F13A1: variants seen among roughly 807,000 people sequenced by gnomAD.
The protein encoded by F13A1 is coagulation factor XIII A chain, also known as FSF, A subunit.
In F13A1, 47 loss-of-function variants were observed where a neutral mutation model predicts 80.1. The ratio of observed to expected loss-of-function variants is 0.59; its 90% confidence interval spans 0.46 to 0.75. F13A1 has a LOEUF of 0.75. Among genes scored for constraint, F13A1 ranks in the 30% least tolerant of loss-of-function variants. The probability of loss-of-function intolerance (pLI) is 0.00; values close to 1 mark genes in which losing one functional copy is unlikely to be tolerated. For synonymous variants in F13A1, 349 were observed against 344.9 expected, an observed-to-expected ratio of 1.01 and a Z score of -0.13; for missense variants, 817 against 930.4, an observed-to-expected ratio of 0.88 and a Z score of 1.59.
intron 3 of F13A1, among the ~76,000 whole-genome samples, chr6:6,283,761 C>A (rs940030853): frequency 6.6e-6 from 1 of 151,988 alleles, no homozygotes; most frequent in African/African-American, 2.4e-5. Context: ...AATCTTGATT[C>A]TTCAAAGTTA....
chr6:6,178,747 G>A (rs1162693575), intron 11 of F13A1, among the ~76,000 whole-genome samples: 1 of 152,154 alleles, frequency 6.6e-6, no homozygotes, highest in Non-Finnish European at 1.5e-5. Flanking sequence ...TAGGAAAAGA[G>A]GGTCAGGCAG....
chr6:6,223,477 G>GA (rs1757228788), intron 7 of F13A1, among the ~76,000 whole-genome samples: 1 of 152,106 alleles, frequency 6.6e-6, no homozygotes, highest in Non-Finnish European at 1.5e-5. Flanking sequence ...CGAGGGATGG[G>GA]ATGACCTCCA....
Position 6,145,396 on chromosome 6 carries a change from C to T in F13A1, c.*223G>A. 1 of 598,852 alleles carries T rather than the reference C, an allele frequency of 1.7e-6. No individual in the cohort carries two copies. Among genetic ancestry groups the T allele is most frequent in the Non-Finnish European group, 3.0e-6 (1 of 333,946 alleles). 37.1% of individuals were successfully genotyped at this position (598,852 alleles called of 1,614,324 possible). ...GCTTAATTAAAGCTAATGCTTAGCACTCTTTGGAAGGTGGAGAGATTAAAA... is the reference window on the plus strand; with the variant it reads ...GCTTAATTAAAGCTAATGCTTAGCATTCTTTGGAAGGTGGAGAGATTAAAA... On this transcript the variant is annotated 3_prime_UTR_variant, in exon 15 of 15. Coordinates refer to ENST00000264870, the MANE Select transcript of F13A1 (RefSeq NM_000129.4).
intron 3 of F13A1, among the ~76,000 whole-genome samples, chr6:6,288,907 T>C (rs1419098949): frequency 6.6e-6 from 1 of 152,222 alleles, no homozygotes; most frequent in East Asian, 1.9e-4. Context: ...ATTAGAGGTG[T>C]TGAGCATTCT....
In F13A1 at chr6:6,318,682, C is replaced by T; in HGVS notation, c.-18G>A. On this transcript the variant is annotated splice_region_variant and 5_prime_UTR_variant, in exon 2 of 15. Transcript: ENST00000264870. ...TCTGACATTTTTGACTTTACAAGGT[C>T]CTTCAGAAAAAAAAAAAAAAGAAGA... 1 of 1,523,244 alleles carries T rather than the reference C, an allele frequency of 6.6e-7. No individual in the cohort carries two copies. The highest frequency in any genetic ancestry group is 8.7e-7 in the Non-Finnish European group (1 of 1,145,078). The allele number at this position is 1,523,244 out of a possible 1,614,324, so 94.4% of individuals were successfully genotyped here. A position where few individuals can be genotyped will look rare whatever the true frequency, so the allele number is the denominator to read the frequency against.
intron 10 of F13A1, among the ~76,000 whole-genome samples, chr6:6,184,256 TAGGA>T (rs1380234420): frequency 6.6e-6 from 1 of 152,244 alleles, no homozygotes; most frequent in Non-Finnish European, 1.5e-5. Flanking sequence ...GTTTCATGGC[TAGGA>T]GCTGCTGGAG....
intron 1 of F13A1, 121 bp from the exon 2 acceptor site, chr6:6,318,803 A>AT: frequency 9.3e-7 from 1 of 1,078,604 alleles, no homozygotes; most frequent in Non-Finnish European, 1.4e-6. Flanking sequence ...TGAGCAACAC[A>AT]TTTTGCCGTT....
At chr6:6,303,176 A>G (rs7755951) in intron 3 of F13A1, among the ~76,000 whole-genome samples, 9,617 of 152,226 alleles carry the variant, frequency 0.063, 796 homozygotes, top group African/African-American at 0.19. Flanking sequence ...TTTTCATAGT[A>G]TGTTCTGATA....
chr6:6,300,816 G>A (rs117389523), intron 3 of F13A1, among the ~76,000 whole-genome samples: 9 of 123,094 alleles, frequency 7.3e-5, no homozygotes, highest in African/African-American at 2.5e-4. Context: ...ATTTATTCTC[G>A]TCTGTTTTTT....
chr6:6,288,284 C>A (rs1407498873), intron 3 of F13A1, among the ~76,000 whole-genome samples: 1 of 152,216 alleles, frequency 6.6e-6, no homozygotes, highest in Non-Finnish European at 1.5e-5. Flanking sequence ...TTCAGTCTAA[C>A]TGAGACTTTG....
At chr6:6,257,650 T>C (rs1757720503) in intron 4 of F13A1, among the ~76,000 whole-genome samples, 1 of 152,180 alleles carries the variant, frequency 6.6e-6, no homozygotes, top group East Asian at 1.9e-4. Context: ...CATTCATCCA[T>C]CAATTCACAG....
chr6:6,307,547 T>TA (rs1441941476), intron 2 of F13A1, among the ~76,000 whole-genome samples: 9 of 151,994 alleles, frequency 5.9e-5, no homozygotes, highest in African/African-American at 1.9e-4. Flanking sequence ...ACAGGGGCTT[T>TA]AAAGTTTTTT....
intron 3 of F13A1, among the ~76,000 whole-genome samples, chr6:6,296,587 C>T (rs961658951): frequency 6.6e-6 from 1 of 150,480 alleles, no homozygotes; most frequent in Non-Finnish European, 1.5e-5. Context: ...GATTTTTGTA[C>T]ATTGATTTTG....
In F13A1 at chr6:6,320,635, C is replaced by T. The variant is rs1758762754; in HGVS notation, c.-67G>A. The T allele has an allele frequency of 4.3e-6, 2 of 470,278 alleles. No individual in the cohort carries two copies. The highest frequency in any genetic ancestry group is 1.6e-5 in the South Asian group (1 of 64,376). 29.1% of individuals were successfully genotyped at this position (470,278 alleles called of 1,614,324 possible). ...TGCCCTCGCGTGGGCTTGCTCTGTG[C>T]GCCTCGGGGACTTCCTCAAACGGAC... On this transcript the variant is annotated 5_prime_UTR_variant, in exon 1 of 15. Coordinates refer to ENST00000264870, the MANE Select transcript of F13A1 (RefSeq NM_000129.4).
At chr6:6,309,855 G>A (rs1190540851) in intron 2 of F13A1, among the ~76,000 whole-genome samples, 1 of 152,096 alleles carries the variant, frequency 6.6e-6, no homozygotes, top group East Asian at 1.9e-4. Flanking sequence ...GGTACTCCTG[G>A]ATTTGCCTTC....
intron 3 of F13A1, among the ~76,000 whole-genome samples, chr6:6,271,602 C>A (rs1305092961): frequency 6.6e-6 from 1 of 152,196 alleles, no homozygotes; most frequent in Non-Finnish European, 1.5e-5. Context: ...AGAAAGGAAT[C>A]CCGTTTTGTT....
chr6:6,167,304 C>T (rs141911243), intron 13 of F13A1, among the ~76,000 whole-genome samples, 154 bp downstream of exon 13: 18 of 147,322 alleles, frequency 1.2e-4, no homozygotes, highest in Admixed American at 3.5e-4. Flanking sequence ...TTTCAAAGAA[C>T]AAGAGGATCC....
chr6:6,248,314 T>C lies in F13A1; in HGVS notation c.796A>G (p.Met266Val). The change falls in exon 6 of 15, where the codon ATG (methionine) becomes GTG (valine). Residue 266 changes from methionine (M) to valine (V), a missense_variant and splice_region_variant. Coordinates refer to ENST00000264870, the MANE Select transcript of F13A1 (RefSeq NM_000129.4). ...AGGTATCAGTAATTGCTGCTTACCA[T>C]TGCAGACCCCACACGGCTGACTTTG... ...PIKVSRVGSAMVNAKDDEGVL... is the reference protein window; with the variant it reads ...PIKVSRVGSAVVNAKDDEGVL... 6.2e-7 allele frequency: 1 copy of C among 1,613,578 alleles called. No individual in the cohort carries two copies. The highest frequency in any genetic ancestry group is 1.3e-5 in the African/African-American group (1 of 75,022).
At chr6:6,274,659 T>A (rs910896677) in intron 3 of F13A1, among the ~76,000 whole-genome samples, 2 of 152,150 alleles carry the variant, frequency 1.3e-5, no homozygotes, top group Non-Finnish European at 2.9e-5. Context: ...TTCAGTGAAA[T>A]GTGCATGCAT....
Sources: allele counts gnomAD v4.1 joint callset (sites outside exome capture counted in the v4.1 genomes callset), GRCh38; gene constraint gnomAD v4.1.1; transcripts MANE v1.5; gene names NCBI Gene and HGNC (gene_info 2026-07-23, HGNC 2026-07-21).